The following RAD17 variants were observed in gnomAD, a reference collection of about 807,000 sequenced individuals.
The protein encoded by RAD17 is RAD17 checkpoint clamp loader component, also known as cell cycle checkpoint protein RAD17.
A neutral mutation model predicts 81.5 loss-of-function variants in RAD17; 31 were observed. The ratio of observed to expected loss-of-function variants is 0.38; its 90% CI spans 0.29 to 0.51. The LOEUF is 0.51. Ranked by LOEUF, RAD17 falls within the 20% of genes least tolerant of loss-of-function variation. RAD17 has a pLI of 0.88. For missense variants in RAD17, 681 were observed against 781.2 expected, an observed-to-expected ratio of 0.87 and a Z score of 1.53; for synonymous variants, 261 against 266.2, an observed-to-expected ratio of 0.98 and a Z score of 0.19.
rs913594965 is a variant in RAD17, at chr5:69,408,506, C to CTTTTTT, written c.1694-1968_1694-1963dup. ...ATCACACTGTTGGCTACCCTAATTA[C>CTTTTTT]TTTTTTTTTTTTTTTTTTTTTTTTG... On this transcript the variant is annotated intron_variant, in intron 17 of 18. Transcript: ENST00000354868. 3.4e-4 allele frequency among the ~76,000 whole-genome samples: 30 copies of CTTTTTT among 88,450 alleles called. 1 individual carries two copies. Among genetic ancestry groups the CTTTTTT allele is most frequent in the African/African-American group, 9.5e-4 (21 of 22,046 alleles). The allele number at this position is 88,450 out of a possible 152,430, so 58.0% of individuals were successfully genotyped here. A position where few individuals can be genotyped will look rare whatever the true frequency, so the allele number is the denominator to read the frequency against.
chr5:69,387,091 A>AT (rs1764260315), intron 11 of RAD17, among the ~76,000 whole-genome samples: 1 of 151,566 alleles, frequency 6.6e-6, no homozygotes, highest in Non-Finnish European at 1.5e-5. Flanking sequence ...CGCCTGGCTA[A>AT]TTTTTTAATT....
chr5:69,388,057 G>GA (rs1325904847), intron 11 of RAD17, among the ~76,000 whole-genome samples: 1 of 152,118 alleles, frequency 6.6e-6, no homozygotes, highest in Non-Finnish European at 1.5e-5. Context: ...ATAAGCATGA[G>GA]AACTGCAAAT....
rs757290695 is a variant in RAD17 at position 69,384,953 on chromosome 5, TC to T, written c.645+21del. The T allele has an allele frequency of 3.6e-5, 53 of 1,460,666 alleles. No homozygotes were observed. Among genetic ancestry groups the T allele is most frequent in the Admixed American group, 1.5e-4 (7 of 46,046 alleles). 90.5% of individuals were successfully genotyped at this position (1,460,666 alleles called of 1,614,324 possible). A position where few individuals can be genotyped will look rare whatever the true frequency, so the allele number is the denominator to read the frequency against. ...GTTGAAGTAAGGACAACTTTTAAAA[TC>T]TTTTTTTTTTTTTTTTTGAAATGGA... On this transcript the variant is annotated intron_variant, in intron 8 of 18. Transcript: ENST00000354868.
At chr5:69,381,263 G>A (rs1008142321) in intron 6 of RAD17, among the ~76,000 whole-genome samples, 7 of 151,934 alleles carry the variant, frequency 4.6e-5, no homozygotes, top group African/African-American at 1.2e-4. Flanking sequence ...GGCAAATCAC[G>A]AGGTCAGGAG....
chr5:69,390,349 T>C (rs1764475341), intron 12 of RAD17, among the ~76,000 whole-genome samples: 1 of 152,172 alleles, frequency 6.6e-6, no homozygotes, highest in African/African-American at 2.4e-5. Context: ...AATATTAGAC[T>C]TAAAAATGAA....
chr5:69,371,319 T>C, intron 2 of RAD17, 135 bp from the exon 3 acceptor site: 1 of 490,910 alleles, frequency 2.0e-6, no homozygotes, highest in Admixed American at 3.6e-5. Flanking sequence ...CTTGTATCAC[T>C]TAAATTTACT....
chr5:69,392,785 A>C (rs888857307), intron 13 of RAD17: 8 of 452,744 alleles, frequency 1.8e-5, no homozygotes, highest in Middle Eastern at 3.2e-4. Flanking sequence ...TGGAATTCGT[A>C]TTCTTTCATG....
chr5:69,382,741 A>T (rs950264226), intron 7 of RAD17, among the ~76,000 whole-genome samples: 1 of 152,238 alleles, frequency 6.6e-6, no homozygotes, highest in Non-Finnish European at 1.5e-5. Context: ...AAAGACAAAG[A>T]TGTCTTTGGA....
Position 69,414,235 on chromosome 5 carries a change from C to G in RAD17, c.1956C>G (p.Ala652=). ...CTAGCCAGCCCCAGCCCTTTTCAGCCCAAGGAGACATGGAAGAAAACATAA... is the reference window on the plus strand; with the variant it reads ...CTAGCCAGCCCCAGCCCTTTTCAGCGCAAGGAGACATGGAAGAAAACATAA... The part of the protein sequence containing the change: ...LPASQPQPFS[A]QGDMEENIII... The change falls in exon 19 of 19, where the codon GCC becomes GCG. Residue 652 remains alanine, a synonymous_variant. Coordinates refer to ENST00000354868, the MANE Select transcript of RAD17 (RefSeq NM_133338.3). 1 of 1,614,108 alleles carries G rather than the reference C, an allele frequency of 6.2e-7. No homozygotes were observed. Among genetic ancestry groups the G allele is most frequent in the Non-Finnish European group, 8.5e-7 (1 of 1,179,980 alleles).
chr5:69,385,395 C>T (rs1764148920), intron 8 of RAD17, among the ~76,000 whole-genome samples: 5 of 151,674 alleles, frequency 3.3e-5, no homozygotes, highest in African/African-American at 4.8e-5. Flanking sequence ...CAGCCTCCCC[C>T]GAGTAGTGGG....
At position 69,389,154 on chromosome 5, in the gene RAD17, G is replaced by A. The variant is rs1377295584; in HGVS notation, c.1006+9G>A. 2.0e-6 allele frequency: 3 copies of A among 1,501,008 alleles called. No homozygotes were observed. The highest frequency in any genetic ancestry group is 2.8e-5 in the African/African-American group (2 of 71,106). The allele number at this position is 1,501,008 out of a possible 1,614,324, so 93.0% of individuals were successfully genotyped here. On this transcript the variant is annotated intron_variant, in intron 12 of 18. Transcript: ENST00000354868. ...GTTTTCTTCTTCAAAAGGTAACTAT[G>A]GAAGATACAGTCATGTGGCATTATA... is the stretch of plus-strand genomic sequence containing the variant.
intron 15 of RAD17, among the ~76,000 whole-genome samples, chr5:69,396,024 T>C (rs956325163): frequency 1.3e-5 from 2 of 152,180 alleles, no homozygotes; most frequent in Non-Finnish European, 2.9e-5. Flanking sequence ...TATATTTTAG[T>C]TATATTAACT....
intron 6 of RAD17, among the ~76,000 whole-genome samples, chr5:69,381,240 G>A (rs1397447839): frequency 6.6e-6 from 1 of 151,948 alleles, no homozygotes; most frequent in African/African-American, 2.4e-5. Context: ...CAGCACTTTG[G>A]GAGACCATGG....
upstream of RAD17, chr5:69,369,673 C>G: frequency 6.4e-7 from 1 of 1,556,490 alleles, no homozygotes; most frequent in Non-Finnish European, 8.7e-7. Context: ...TTCGATGACA[C>G]ATTTCCGTCG....
chr5:69,403,793 C>CACCTGT (rs1169588055), intron 17 of RAD17, among the ~76,000 whole-genome samples: 1 of 152,026 alleles, frequency 6.6e-6, no homozygotes, highest in African/African-American at 2.4e-5. Flanking sequence ...TTGTGGCTTG[C>CACCTGT]ACCTGTAGTC....
At position 69,386,306 on chromosome 5, in the gene RAD17, G is replaced by A. The variant is rs1764209443; in HGVS notation, c.824+1G>A. ...AAGAGTGTTCTATCTCAAATATTAG[G>A]TAAGAAAGAAATTTCTGCTTATAAA... On this transcript the variant is annotated splice_donor_variant, in intron 10 of 18. Coordinates refer to ENST00000354868, the MANE Select transcript of RAD17 (RefSeq NM_133338.3). LOFTEE classifies it high-confidence loss of function. The A allele has an allele frequency of 1.3e-6, 2 of 1,589,992 alleles. No homozygotes were observed. Among genetic ancestry groups the A allele is most frequent in the African/African-American group, 1.4e-5 (1 of 73,828 alleles).
intron 17 of RAD17, among the ~76,000 whole-genome samples, chr5:69,407,001 T>A (rs1283106921): frequency 1.2e-4 from 1 of 8,646 alleles, no homozygotes. Context: ...TGTAGTAGAT[T>A]TTTTTTTTTT....
intron 15 of RAD17, among the ~76,000 whole-genome samples, chr5:69,394,360 GC>G (rs1764746728): frequency 6.6e-6 from 1 of 151,790 alleles, no homozygotes. Flanking sequence ...ACCATGCCCA[GC>G]CCCAGCTTAT....
intron 17 of RAD17, among the ~76,000 whole-genome samples, chr5:69,404,728 C>T (rs1339811490): frequency 6.6e-6 from 1 of 151,248 alleles, no homozygotes; most frequent in African/African-American, 2.4e-5. Flanking sequence ...GAGTTTGCAC[C>T]ATTGCACTCC....
Sources: gnomAD v4.1 joint callset for allele counts (sites outside exome capture counted in the v4.1 genomes callset) on GRCh38, gnomAD v4.1.1 for gene constraint, MANE v1.5 for transcripts, NCBI Gene and HGNC (gene_info 2026-07-23, HGNC 2026-07-21) for gene names.